The following PPIH variants were observed in gnomAD, a reference collection of about 807,000 sequenced individuals.
PPIH encodes peptidylprolyl isomerase H.
PPIH carries 16 observed loss-of-function variants against 27.6 expected under a neutral mutation model. The ratio of observed to expected loss-of-function variants is 0.58; its 90% confidence interval spans 0.39 to 0.88. PPIH has a LOEUF of 0.88. Among genes scored for constraint, PPIH ranks in the 40% least tolerant of loss-of-function variants. PPIH has a pLI of 0.00. For synonymous variants in PPIH, 63 were observed against 76.1 expected (o/e 0.83, Z 0.90); for missense variants, 155 against 224.1 (o/e 0.69, Z 1.97).
intron 9 of PPIH, 71 bp downstream of exon 9, chr1:42,667,511 A>G: frequency 7.6e-7 from 1 of 1,322,856 alleles, no homozygotes; most frequent in Non-Finnish European, 1.1e-6. Context: ...AGTGGAAAGA[A>G]CTTTAGTCTT....
chr1:42,675,262 T>C (rs1649826760), intron 9 of PPIH: 1 of 152,154 alleles, frequency 6.6e-6, no homozygotes. Context: ...TTATATGTAG[T>C]GTTAACTAAT....
intron 9 of PPIH, among the ~76,000 whole-genome samples, chr1:42,673,758 A>G (rs1236967037): frequency 1.3e-5 from 2 of 152,248 alleles, no homozygotes; most frequent in African/African-American, 2.4e-5. Context: ...TTAGGAAAAA[A>G]TACGGAATTA....
chr1:42,663,511 G>A (rs181331953), intron 5 of PPIH, among the ~76,000 whole-genome samples: 6 of 151,896 alleles, frequency 4.0e-5, no homozygotes, highest in Admixed American at 3.3e-4. Context: ...AGCGATTCTC[G>A]TGCCTCAGCC....
chr1:42,660,970 C>T, intron 5 of PPIH, 66 bp downstream of exon 5: 2 of 1,409,292 alleles, frequency 1.4e-6, no homozygotes, highest in Admixed American at 1.7e-5. Flanking sequence ...GTTGCAATTG[C>T]TGTTTTTACT....
At chr1:42,669,334 C>T (rs892408344) in intron 9 of PPIH, among the ~76,000 whole-genome samples, 1 of 152,144 alleles carries the variant, frequency 6.6e-6, no homozygotes, top group African/African-American at 2.4e-5. Context: ...CCACACCTGA[C>T]TTCATGTGAT....
downstream of PPIH, among the ~76,000 whole-genome samples, chr1:42,680,986 A>T (rs1046347126): frequency 4.6e-5 from 7 of 152,160 alleles, no homozygotes; most frequent in Non-Finnish European, 1.0e-4. Context: ...AGGGTTTAGG[A>T]CTGACTCAAG....
intron 7 of PPIH, 40 bp downstream of exon 7, chr1:42,666,107 C>T (rs1249503300): frequency 2.7e-5 from 43 of 1,564,550 alleles, no homozygotes; most frequent in Non-Finnish European, 3.8e-5. Context: ...GCCCCATTCA[C>T]CCTGGATGGA....
downstream of PPIH, chr1:42,681,048 A>G (rs1454280984): frequency 6.6e-6 from 1 of 152,166 alleles, no homozygotes; most frequent in Non-Finnish European, 1.5e-5. Context: ...GGTAGGGGTA[A>G]GGAATACTGC....
chr1:42,668,512 A>T (rs1649464487), intron 9 of PPIH, among the ~76,000 whole-genome samples: 1 of 152,108 alleles, frequency 6.6e-6, no homozygotes, highest in South Asian at 2.1e-4. Context: ...AGAACATCCT[A>T]CGTAACCACA....
At chr1:42,679,538 G>A (rs1237187249), downstream of PPIH, among the ~76,000 whole-genome samples, 1 of 152,218 alleles carries the variant, frequency 6.6e-6, no homozygotes, top group East Asian at 1.9e-4. Context: ...GAAGAGAGCT[G>A]AATGAAGTAA....
intron 8 of PPIH, 138 bp downstream of exon 8, chr1:42,666,725 C>T (rs1054829364): frequency 2.8e-6 from 2 of 726,372 alleles, no homozygotes; most frequent in Non-Finnish European, 4.6e-6. Context: ...GGGAAGAGAA[C>T]CACCTAAGTT....
downstream of PPIH, among the ~76,000 whole-genome samples, chr1:42,680,758 T>G (rs980060252): frequency 6.6e-6 from 1 of 152,218 alleles, no homozygotes; most frequent in Non-Finnish European, 1.5e-5. Flanking sequence ...AATGTTTAAA[T>G]AGTTGAAAAT....
intron 9 of PPIH, among the ~76,000 whole-genome samples, chr1:42,676,059 T>G (rs973949562): frequency 3.3e-5 from 5 of 152,234 alleles, no homozygotes; most frequent in African/African-American, 4.8e-5. Flanking sequence ...GTTGCTTTCT[T>G]CCTGGTTCTT....
At chr1:42,660,764 T>C in intron 4 of PPIH, 98 bp from the exon 5 acceptor site, 2 of 1,046,574 alleles carry the variant, frequency 1.9e-6, no homozygotes, top group South Asian at 1.6e-5. Flanking sequence ...AAAGTGATAG[T>C]GTATTTTGAA....
intron 5 of PPIH, among the ~76,000 whole-genome samples, chr1:42,663,234 C>G (rs989336347): frequency 6.6e-6 from 1 of 152,082 alleles, no homozygotes; most frequent in African/African-American, 2.4e-5. Flanking sequence ...TTATATAGTA[C>G]TATATTGTTT....
chr1:42,667,493 C>T, intron 9 of PPIH, 53 bp downstream of exon 9: 1 of 1,439,482 alleles, frequency 6.9e-7, no homozygotes, highest in Non-Finnish European at 9.7e-7. Flanking sequence ...GAGAAGGCAG[C>T]ATGGTCTAGT....
intron 9 of PPIH, among the ~76,000 whole-genome samples, chr1:42,673,895 A>G (rs762589522): frequency 6.6e-6 from 1 of 152,262 alleles, no homozygotes; most frequent in Non-Finnish European, 1.5e-5. Flanking sequence ...TGAAGATGCT[A>G]TTTGAATGAC....
At chr1:42,680,826 A>G (rs1212270307), downstream of PPIH, among the ~76,000 whole-genome samples, 1 of 152,216 alleles carries the variant, frequency 6.6e-6, no homozygotes, top group Admixed American at 6.5e-5. Context: ...AAACCTGAGT[A>G]GTAAGTCAGA....
chr1:42,667,864 T>G (rs1354519201), intron 9 of PPIH, among the ~76,000 whole-genome samples: 1 of 152,186 alleles, frequency 6.6e-6, no homozygotes, highest in Non-Finnish European at 1.5e-5. Flanking sequence ...ATGCCTCTCA[T>G]CAGAACTGAT....
Sources: allele counts gnomAD v4.1 joint callset (sites outside exome capture counted in the v4.1 genomes callset), GRCh38; gene constraint gnomAD v4.1.1; transcripts MANE v1.5; gene names NCBI Gene and HGNC (gene_info 2026-07-23, HGNC 2026-07-21).